The following SLC9A3 variants were observed in gnomAD, a reference collection of about 807,000 sequenced individuals.
SLC9A3 encodes the protein sodium/hydrogen exchanger 3.
A neutral mutation model predicts 86.8 loss-of-function variants in SLC9A3; 37 were observed. That is an observed-to-expected ratio of 0.43 (90% CI 0.33 to 0.56). The LOEUF (loss-of-function observed/expected upper bound fraction) is 0.56. Ranked by LOEUF, SLC9A3 falls within the 20% of genes least tolerant of loss-of-function variation. The probability of loss-of-function intolerance (pLI) is 0.06; values close to 1 mark genes in which losing one functional copy is unlikely to be tolerated. For missense variants in SLC9A3, 1,011 were observed against 1,171.9 expected, an observed-to-expected ratio of 0.86 and a Z score of 2.00; for synonymous variants, 581 against 528.3, an observed-to-expected ratio of 1.10 and a Z score of -1.37.
In SLC9A3 at chr5:491,978, G is replaced by A. The variant is rs1400997657; in HGVS notation, c.305C>T (p.Ala102Val). Residue 102 changes from alanine to valine, a missense_variant, in exon 2 of 17, where the codon GCC (alanine) becomes GTC (valine). Coordinates refer to ENST00000264938, the MANE Select transcript of SLC9A3 (RefSeq NM_004174.4). The surrounding 1 kb of genome is among the most constrained non-coding windows in gnomAD (Gnocchi z 9.2). ...CAGTGTGAAGGACGCGATGTGGTCG[G>A]CCGCCCAGACGATGCCGCCCAGCAC... ...GLVLGGIVWA[A>V]DHIASFTLTP... 3 of 1,605,374 alleles carry A rather than the reference G, an allele frequency of 1.9e-6. No individual in the cohort carries two copies. Among genetic ancestry groups the A allele is most frequent in the Non-Finnish European group, 2.5e-6 (3 of 1,176,630 alleles).
At position 491,930 on chromosome 5, in the gene SLC9A3, TAGA is replaced by T. The variant is rs776026092; in HGVS notation, c.350_352del (p.Phe117del). 5.6e-6 allele frequency: 9 copies of T among 1,610,938 alleles called. No individual in the cohort carries two copies. Among genetic ancestry groups the T allele is most frequent in the Admixed American group, 1.7e-5 (1 of 59,770 alleles). On this transcript the variant is annotated inframe_deletion, in exon 2 of 17. Coordinates refer to ENST00000264938, the MANE Select transcript of SLC9A3 (RefSeq NM_004174.4). The surrounding 1 kb of genome is among the most constrained non-coding windows in gnomAD (Gnocchi z 9.2). ...GTCCAGCACGATGGGGGGCAGCAGG[TAGA>T]AGAAGAAGACGGTGGGCGTCAGTGT...
Position 471,866 on chromosome 5 carries a change from C to G in SLC9A3, c.*1513G>C, listed in dbSNP as rs536177198. Reference sequence around the variant, plus strand: ...AAAGCTATCAATGGGAAATTGTGGACTTTTCCCACCAGGGACTCAATGGGG... The same window carrying G: ...AAAGCTATCAATGGGAAATTGTGGAGTTTTCCCACCAGGGACTCAATGGGG... On this transcript the variant is annotated 3_prime_UTR_variant, in exon 17 of 17. Coordinates refer to ENST00000264938, the MANE Select transcript of SLC9A3 (RefSeq NM_004174.4). 4 of 456,534 alleles carry G rather than the reference C, an allele frequency of 8.8e-6. No homozygotes were observed. The East Asian group carries it at 2.7e-4, about 31-fold the overall frequency. 28.3% of individuals were successfully genotyped at this position (456,534 alleles called of 1,614,324 possible). A position where few individuals can be genotyped will look rare whatever the true frequency, so the allele number is the denominator to read the frequency against.
Position 491,898 on chromosome 5 carries a change from AG to A in SLC9A3, c.384del (p.Tyr129ThrfsTer91). ...YLLPPIVLDAGYFMPNRLFFG... is the reference protein window; with the variant it reads ...YLLPPIVLDAXYFMPNRLFFG... ...AAGAAGAGGCGGTTGGGCATGAAGT[AG>A]CCGGCGTCCAGCACGATGGGGGGCA... On this transcript the variant is annotated frameshift_variant, in exon 2 of 17. Transcript: ENST00000264938. LOFTEE classifies it high-confidence loss of function. The surrounding 1 kb of genome is among the most constrained non-coding windows in gnomAD (Gnocchi z 9.2). The A allele has an allele frequency of 6.2e-7, 1 of 1,611,486 alleles. No individual in the cohort carries two copies. The highest frequency in any genetic ancestry group is 8.5e-7 in the Non-Finnish European group (1 of 1,179,374).
rs369869036 is a variant in SLC9A3, at chr5:475,152, C to G, written c.2252-20G>C. The stretch of plus-strand genomic sequence containing the variant: ...CAATTCCTAGGAGAGAGGGCAGCGG[C>G]TAGTCAGCCTTCGGAGAGCCCCACG... On this transcript the variant is annotated intron_variant, in intron 15 of 16. Transcript: ENST00000264938. 21 of 1,552,758 alleles carry G rather than the reference C, an allele frequency of 1.4e-5. No individual in the cohort carries two copies. Among genetic ancestry groups the G allele is most frequent in the Middle Eastern group, 1.7e-4 (1 of 5,780 alleles).
Position 481,608 on chromosome 5 carries a change from C to T in SLC9A3, c.1474G>A (p.Glu492Lys). The T allele has an allele frequency of 1.2e-6, 2 of 1,614,064 alleles. No homozygotes were observed. Among genetic ancestry groups the T allele is most frequent in the Non-Finnish European group, 8.5e-7 (1 of 1,179,980 alleles). ...TGCCCGATCTGTCCGGATATGTCCTCGATGGCCGAGAGGATGTGGTCGAAA... is the reference window on the plus strand; with the variant it reads ...TGCCCGATCTGTCCGGATATGTCCTTGATGGCCGAGAGGATGTGGTCGAAA... The part of the protein sequence containing the change: ...RAFDHILSAI[E>K]DISGQIGHNY... The change falls in exon 9 of 17, where the codon GAG becomes AAG. Residue 492 changes from glutamate to lysine, a missense_variant. Glu to Lys is a moderately conservative substitution (Grantham distance 56, BLOSUM62 1). Coordinates refer to ENST00000264938, the MANE Select transcript of SLC9A3 (RefSeq NM_004174.4).
At chr5:489,818 C>T (rs952310345) in intron 2 of SLC9A3, among the ~76,000 whole-genome samples, 33 of 152,300 alleles carry the variant, frequency 2.2e-4, no homozygotes, top group African/African-American at 6.3e-4. Flanking sequence ...ACTCCCCGGC[C>T]GGCAGCCTTC....
chr5:508,731 G>T (rs545062787), intron 1 of SLC9A3, among the ~76,000 whole-genome samples: 179 of 152,334 alleles, frequency 1.2e-3, no homozygotes, highest in African/African-American at 3.9e-3. Flanking sequence ...TAAAGGACAA[G>T]GACATTAGAG....
rs747975109 is a variant in SLC9A3 at position 488,303 on chromosome 5, C to G, written c.675+13G>C. On this transcript the variant is annotated intron_variant, in intron 3 of 16. Transcript: ENST00000264938. ...CGGCTCGCCCGCTCTGGAGCGGTGG[C>G]TCCGTTGCTCACCACGGTGACTGCG... The G allele has an allele frequency of 1.4e-5, 22 of 1,611,990 alleles. 1 individual carries two copies. In the Middle Eastern group the frequency reaches 9.9e-4, roughly 72 times the overall value.
Position 476,680 on chromosome 5 carries a change from G to A in SLC9A3, c.1761-8C>T, listed in dbSNP as rs369318599. On this transcript the variant is annotated splice_region_variant and splice_polypyrimidine_tract_variant and intron_variant, in intron 11 of 16. Transcript: ENST00000264938. The stretch of plus-strand genomic sequence containing the variant: ...GCGCTGACATTTTCTCTCCTGCGTG[G>A]GGACCAGCGCTGAGCCATACAGGCT... 1 of 1,601,774 alleles carries A rather than the reference G, an allele frequency of 6.2e-7. No homozygotes were observed. Among genetic ancestry groups the A allele is most frequent in the Non-Finnish European group, 8.5e-7 (1 of 1,179,758 alleles).
intron 1 of SLC9A3, among the ~76,000 whole-genome samples, chr5:511,408 A>G (rs1740863595): frequency 6.6e-6 from 1 of 152,242 alleles, no homozygotes; most frequent in South Asian, 2.1e-4. Flanking sequence ...TCTCCTAAAG[A>G]GTTTATCATT....
At chr5:475,506 T>TA in intron 15 of SLC9A3, 55 bp downstream of exon 15, 1 of 1,053,668 alleles carries the variant, frequency 9.5e-7, no homozygotes, top group Admixed American at 2.0e-5. Context: ...AGCTCCCTCC[T>TA]GGGGCGGCAG....
At chr5:513,115 G>A (rs1049998256) in intron 1 of SLC9A3, among the ~76,000 whole-genome samples, 1 of 152,134 alleles carries the variant, frequency 6.6e-6, no homozygotes, top group Non-Finnish European at 1.5e-5. Context: ...AGGGAGGGGG[G>A]CGTGCACCTA....
chr5:470,975 A>G lies in SLC9A3; in HGVS notation c.*2404T>C, dbSNP rs1738321106. On this transcript the variant is annotated 3_prime_UTR_variant, in exon 17 of 17. Coordinates refer to ENST00000264938, the MANE Select transcript of SLC9A3 (RefSeq NM_004174.4). ...GACAGGAACGTGGGGATCCCCACTC[A>G]TGACGAGTCCCTAGCACTCAGCCCC... is the stretch of plus-strand genomic sequence containing the variant. The G allele has an allele frequency of 6.6e-6, 1 of 152,388 alleles. No individual in the cohort carries two copies. Among genetic ancestry groups the G allele is most frequent in the African/African-American group, 2.4e-5 (1 of 41,464 alleles). 9.4% of individuals were successfully genotyped at this position (152,388 alleles called of 1,614,324 possible). A position where few individuals can be genotyped will look rare whatever the true frequency, so the allele number is the denominator to read the frequency against.
At chr5:522,233 C>A (rs1365111909) in intron 1 of SLC9A3, among the ~76,000 whole-genome samples, 1 of 152,224 alleles carries the variant, frequency 6.6e-6, no homozygotes, top group African/African-American at 2.4e-5. Context: ...CCGGCAGCCT[C>A]CCCGCCCTCA....
intron 10 of SLC9A3, chr5:479,469 A>C: frequency 4.0e-6 from 1 of 247,246 alleles, no homozygotes; most frequent in Non-Finnish European, 8.1e-6. Flanking sequence ...GTGCGTGTGC[A>C]CCTGTGGGCA....
chr5:524,102 G>A lies in SLC9A3; in HGVS notation c.211+10C>T. On this transcript the variant is annotated intron_variant, in intron 1 of 16. Transcript: ENST00000264938. ...CCGCGGGCAGATCCGGAGACCCCGG[G>A]GCCACTTACCGATCTTGGCCAAGCT... 2 of 1,492,632 alleles carry A rather than the reference G, an allele frequency of 1.3e-6. No homozygotes were observed. Among genetic ancestry groups the A allele is most frequent in the Non-Finnish European group, 1.8e-6 (2 of 1,116,906 alleles). 92.5% of individuals were successfully genotyped at this position (1,492,632 alleles called of 1,614,324 possible). A position where few individuals can be genotyped will look rare whatever the true frequency, so the allele number is the denominator to read the frequency against.
intron 1 of SLC9A3, among the ~76,000 whole-genome samples, chr5:515,272 T>C (rs1244033704): frequency 2.0e-5 from 3 of 152,014 alleles, no homozygotes; most frequent in Admixed American, 2.0e-4. Flanking sequence ...CGCTCCCCAT[T>C]TGTGGAATTC....
chr5:512,198 C>A (rs1237245239), intron 1 of SLC9A3, among the ~76,000 whole-genome samples: 1 of 152,150 alleles, frequency 6.6e-6, no homozygotes, highest in Non-Finnish European at 1.5e-5. Flanking sequence ...GTCGTTGTAC[C>A]CATGTCCAAA....
At chr5:520,521 C>G (rs147920514) in intron 1 of SLC9A3, among the ~76,000 whole-genome samples, 1 of 152,144 alleles carries the variant, frequency 6.6e-6, no homozygotes, top group Admixed American at 6.5e-5. Context: ...CGCCCTGATG[C>G]CCAAGGGAAG....
Sources: allele counts gnomAD v4.1 joint callset (sites outside exome capture counted in the v4.1 genomes callset), GRCh38; gene constraint gnomAD v4.1.1; non-coding constraint Gnocchi (gnomAD v3.1); transcripts MANE v1.5; gene names NCBI Gene and HGNC (gene_info 2026-07-23, HGNC 2026-07-21).